The following FHIT variants were observed in gnomAD, a reference collection of about 807,000 sequenced individuals.
FHIT encodes the protein fragile histidine triad diadenosine triphosphatase, also known as bis(5'-adenosyl)-triphosphatase.
FHIT carries 19 observed loss-of-function variants against 17.9 expected under a neutral mutation model. The ratio of observed to expected loss-of-function variants is 1.06; its 90% CI spans 0.74 to 1.56. The LOEUF (loss-of-function observed/expected upper bound fraction) is 1.56, where lower values mean the gene tolerates loss of function less well. Among genes scored for constraint, FHIT ranks in the 40% most tolerant of loss-of-function variants. The probability of loss-of-function intolerance (pLI) is 0.00; values close to 1 mark genes in which losing one functional copy is unlikely to be tolerated. For synonymous variants in FHIT, 81 were observed against 69.7 expected (o/e 1.16, Z -0.81); for missense variants, 248 against 189.2 (o/e 1.31, Z -1.82).
At chr3:60,214,910 A>G (rs1231544265) in intron 5 of FHIT, among the ~76,000 whole-genome samples, 2 of 152,108 alleles carry the variant, frequency 1.3e-5, no homozygotes, top group South Asian at 2.1e-4. Context: ...GCAAACTAAC[A>G]CAGGAACAGG....
chr3:60,458,582 G>A (rs1004869806), intron 5 of FHIT, among the ~76,000 whole-genome samples: 2 of 125,978 alleles, frequency 1.6e-5, no homozygotes, highest in Admixed American at 8.2e-5. Flanking sequence ...AAAACTTAAA[G>A]TGTAATAATA....
At chr3:60,760,579 C>G (rs1211596576) in intron 4 of FHIT, among the ~76,000 whole-genome samples, 1 of 152,106 alleles carries the variant, frequency 6.6e-6, no homozygotes, top group Non-Finnish European at 1.5e-5. Context: ...TTTCATTTTT[C>G]CTGCTCCCGT....
chr3:59,753,758 TG>T (rs796611695), intron 8 of FHIT, among the ~76,000 whole-genome samples: 4 of 152,290 alleles, frequency 2.6e-5, no homozygotes, highest in African/African-American at 9.6e-5. Context: ...CTTAACCCCA[TG>T]TTACTGTGGA....
chr3:60,552,279 G>C (rs1158213277), intron 4 of FHIT, among the ~76,000 whole-genome samples: 1 of 152,170 alleles, frequency 6.6e-6, no homozygotes, highest in Admixed American at 6.5e-5. Context: ...TGTGAATAGT[G>C]CTGTGAATAT....
chr3:60,081,308 C>T (rs1266330170), intron 5 of FHIT, among the ~76,000 whole-genome samples: 1 of 151,858 alleles, frequency 6.6e-6, no homozygotes, highest in Non-Finnish European at 1.5e-5. Flanking sequence ...CAGACCACTC[C>T]CTAAATCCAA....
At chr3:61,125,389 A>G (rs974678512) in intron 2 of FHIT, among the ~76,000 whole-genome samples, 1 of 152,206 alleles carries the variant, frequency 6.6e-6, no homozygotes, top group Non-Finnish European at 1.5e-5. Context: ...AGTCAATAGC[A>G]AAGCAAAAGG....
chr3:60,707,576 A>C (rs2041406230), intron 4 of FHIT, among the ~76,000 whole-genome samples: 1 of 152,218 alleles, frequency 6.6e-6, no homozygotes, highest in South Asian at 2.1e-4. Context: ...GAGGGAACCC[A>C]TCTACAGTCA....
intron 5 of FHIT, among the ~76,000 whole-genome samples, chr3:60,199,065 A>G (rs1702776641): frequency 6.6e-6 from 1 of 152,164 alleles, no homozygotes; most frequent in African/African-American, 2.4e-5. Context: ...AGAAGTGGAA[A>G]AGGCTTGGTG....
chr3:61,160,974 G>T (rs1269609177), intron 2 of FHIT, among the ~76,000 whole-genome samples: 1 of 152,124 alleles, frequency 6.6e-6, no homozygotes, highest in Non-Finnish European at 1.5e-5. Flanking sequence ...GAGTGTAATA[G>T]AAATATCTGG....
At chr3:60,702,910 C>T (rs782644316) in intron 4 of FHIT, among the ~76,000 whole-genome samples, 4 of 152,056 alleles carry the variant, frequency 2.6e-5, no homozygotes, top group Non-Finnish European at 5.9e-5. Flanking sequence ...TAGAGTATTG[C>T]TAGAAATTTC....
rs1309567657 is a variant in FHIT at position 60,544,594 on chromosome 3, C to CTT, written c.-17-7616_-17-7615insAA. Among the ~76,000 whole-genome samples, 229 of 76,988 alleles carry CTT rather than the reference C, an allele frequency of 3.0e-3. 2 individuals carry two copies. The highest frequency in any genetic ancestry group is 9.7e-3 in the African/African-American group (206 of 21,220). The allele number at this position is 76,988 out of a possible 152,430, so 50.5% of individuals were successfully genotyped here. On this transcript the variant is annotated intron_variant, in intron 4 of 9. Coordinates refer to ENST00000492590, the MANE Select transcript of FHIT (RefSeq NM_002012.4). Reference sequence around the variant, plus strand: ...TGAAGTTGGCCAATAATTTCTCAACCTATTTTTTTTTTTTTTTTTTTGAGA... The same window carrying CTT: ...TGAAGTTGGCCAATAATTTCTCAACCTTTATTTTTTTTTTTTTTTTTTTGAGA...
chr3:60,345,701 A>T (rs1282817139), intron 5 of FHIT, among the ~76,000 whole-genome samples: 1 of 152,214 alleles, frequency 6.6e-6, no homozygotes, highest in East Asian at 1.9e-4. Flanking sequence ...ATAGGAACAC[A>T]GTGCTAAATT....
chr3:60,702,444 C>T (rs1220155042), intron 4 of FHIT, among the ~76,000 whole-genome samples: 1 of 151,750 alleles, frequency 6.6e-6, no homozygotes, highest in Non-Finnish European at 1.5e-5. Context: ...GTTTTATCTC[C>T]ATAACATTTT....
At chr3:60,516,249 A>G (rs377530667) in intron 5 of FHIT, among the ~76,000 whole-genome samples, 15 of 152,196 alleles carry the variant, frequency 9.9e-5, no homozygotes, top group Non-Finnish European at 1.9e-4. Flanking sequence ...AAAATAATAA[A>G]CCCATATGTT....
intron 1 of FHIT, among the ~76,000 whole-genome samples, chr3:61,207,198 AT>A (rs1371846471): frequency 6.6e-6 from 1 of 152,090 alleles, no homozygotes; most frequent in African/African-American, 2.4e-5. Context: ...AAGCTTTTTG[AT>A]GTGCTGCTGG....
chr3:60,461,790 G>T (rs2032484973), intron 5 of FHIT, among the ~76,000 whole-genome samples: 1 of 152,140 alleles, frequency 6.6e-6, no homozygotes. Context: ...GGATAAGGAT[G>T]GGGGATCCCA....
At chr3:60,288,398 C>T (rs2106641171) in intron 5 of FHIT, among the ~76,000 whole-genome samples, 1 of 152,230 alleles carries the variant, frequency 6.6e-6, no homozygotes, top group South Asian at 2.1e-4. Context: ...CTACCGTGCC[C>T]TCAAAGTCTC....
At chr3:60,655,068 A>G (rs1432341437) in intron 4 of FHIT, among the ~76,000 whole-genome samples, 2 of 152,178 alleles carry the variant, frequency 1.3e-5, no homozygotes, top group Admixed American at 1.3e-4. Flanking sequence ...TTATGGTGGG[A>G]GCATGTGAAA....
At chr3:59,906,481 G>T (rs1704590039) in intron 8 of FHIT, among the ~76,000 whole-genome samples, 1 of 152,158 alleles carries the variant, frequency 6.6e-6, no homozygotes, top group Non-Finnish European at 1.5e-5. Flanking sequence ...ACAGCATGTA[G>T]ACCCCTAAAA....
Sources: gnomAD v4.1 joint callset for allele counts (sites outside exome capture counted in the v4.1 genomes callset) on GRCh38, gnomAD v4.1.1 for gene constraint, MANE v1.5 for transcripts, NCBI Gene and HGNC (gene_info 2026-07-23, HGNC 2026-07-21) for gene names.